The following CALN1 variants were observed in gnomAD, a reference collection of about 807,000 sequenced individuals.
The protein encoded by CALN1 is calcium-binding protein 8.
A neutral mutation model predicts 30.6 loss-of-function variants in CALN1; 17 were observed. The ratio of observed to expected loss-of-function variants is 0.56; its 90% CI spans 0.38 to 0.83. The LOEUF (loss-of-function observed/expected upper bound fraction) is 0.83, where lower values mean the gene tolerates loss of function less well. Among genes scored for constraint, CALN1 ranks in the 40% least tolerant of loss-of-function variants. The pLI is 0.00. For missense variants in CALN1, 291 were observed against 354.9 expected, an observed-to-expected ratio of 0.82 and a Z score of 1.45; for synonymous variants, 156 against 131.4, an observed-to-expected ratio of 1.19 and a Z score of -1.28.
chr7:72,416,779 C>T (rs1204729245), upstream of CALN1, among the ~76,000 whole-genome samples: 1 of 150,336 alleles, frequency 6.7e-6, no homozygotes, highest in Non-Finnish European at 1.5e-5. Context: ...CAAAAAGAAC[C>T]TTCCCGGGCT....
At chr7:72,064,982 A>G (rs979083814) in intron 4 of CALN1, among the ~76,000 whole-genome samples, 3 of 151,948 alleles carry the variant, frequency 2.0e-5, no homozygotes, top group Non-Finnish European at 2.9e-5. Flanking sequence ...CTTGGGCACA[A>G]ACAGACATCA....
intron 2 of CALN1, among the ~76,000 whole-genome samples, chr7:72,331,665 A>C (rs1002048053): frequency 6.6e-6 from 1 of 151,788 alleles, no homozygotes; most frequent in African/African-American, 2.4e-5. Context: ...TATTCATTTT[A>C]TTTTTTTTCC....
chr7:71,896,495 T>C (rs1793539154), intron 5 of CALN1, among the ~76,000 whole-genome samples: 1 of 152,180 alleles, frequency 6.6e-6, no homozygotes, highest in Admixed American at 6.5e-5. Flanking sequence ...CTCACTAAAA[T>C]ACTTGCGAAA....
chr7:71,992,454 T>C (rs1416641714), intron 5 of CALN1, among the ~76,000 whole-genome samples: 1 of 152,180 alleles, frequency 6.6e-6, no homozygotes, highest in East Asian at 1.9e-4. Context: ...ACTCCTTGGC[T>C]TGAGCCATCC....
At chr7:71,902,471 T>C (rs776058801) in intron 5 of CALN1, among the ~76,000 whole-genome samples, 3 of 152,066 alleles carry the variant, frequency 2.0e-5, no homozygotes, top group African/African-American at 4.8e-5. Context: ...GATAGACCAA[T>C]GGAACAGAAT....
At chr7:72,349,282 TTGTG>T (rs3032183) in intron 2 of CALN1, among the ~76,000 whole-genome samples, 10,142 of 147,752 alleles carry the variant, frequency 0.069, 372 homozygotes, top group South Asian at 0.12. Flanking sequence ...ACACGCGTGC[TTGTG>T]TGTGTGTGTG....
the CALN1 span, among the ~76,000 whole-genome samples, chr7:72,499,894 TTTCTTTCTTTCTTTCTTTC>T: frequency 4.4e-5 from 2 of 45,522 alleles, 1 homozygote; most frequent in Non-Finnish European, 7.8e-5. Flanking sequence ...TCTTTCTTTC[TTTCTTTCTTTCTTTCTTTC>T]TATCTTTCTC....
intron 3 of CALN1, among the ~76,000 whole-genome samples, chr7:72,238,496 A>G (rs1029332620): frequency 6.6e-6 from 1 of 152,186 alleles, no homozygotes; most frequent in African/African-American, 2.4e-5. Flanking sequence ...TCATGGAATA[A>G]TGAGTGTCTG....
chr7:72,224,786 T>TA (rs1225527795), intron 3 of CALN1, among the ~76,000 whole-genome samples: 80 of 146,012 alleles, frequency 5.5e-4, no homozygotes, highest in East Asian at 1.8e-3. Flanking sequence ...GTCAAAAAAT[T>TA]AAAAAAAAAG....
chr7:71,950,037 C>T (rs113840884), intron 5 of CALN1, among the ~76,000 whole-genome samples: 2 of 152,300 alleles, frequency 1.3e-5, no homozygotes, highest in South Asian at 2.1e-4. Flanking sequence ...GTTGGGATTA[C>T]AGGTGTGAGC....
rs1452238527 is a variant in CALN1 at position 71,840,220 on chromosome 7, T to C, written c.502-29728A>G. ...GCTCACACCTGTAATCCCAACACTT[T>C]GGGAGGCTGAAGCAGGAGCATTGCT... On this transcript the variant is annotated intron_variant, in intron 5 of 6. Coordinates refer to ENST00000395275, the MANE Select transcript of CALN1 (RefSeq NM_031468.4). 2.7e-5 allele frequency among the ~76,000 whole-genome samples: 4 copies of C among 149,712 alleles called. No individual in the cohort carries two copies. The East Asian group carries it at 7.8e-4, about 29-fold the overall frequency.
chr7:72,099,657 T>C (rs941300184), intron 4 of CALN1, among the ~76,000 whole-genome samples: 2 of 152,150 alleles, frequency 1.3e-5, no homozygotes, highest in African/African-American at 4.8e-5. Flanking sequence ...ACTTAGGGAC[T>C]GTATAAATTT....
At chr7:72,455,601 A>G in the CALN1 span, among the ~76,000 whole-genome samples, 9 of 152,056 alleles carry the variant, frequency 5.9e-5, no homozygotes, top group African/African-American at 1.9e-4. Flanking sequence ...TGTACAGTAC[A>G]GCCCCTGGTT....
intron 3 of CALN1, among the ~76,000 whole-genome samples, chr7:72,158,894 G>T (rs961459821): frequency 1.3e-5 from 2 of 152,216 alleles, no homozygotes; most frequent in South Asian, 4.1e-4. Context: ...GTCTCGCTCT[G>T]TCGCCCAGAT....
intron 4 of CALN1, among the ~76,000 whole-genome samples, chr7:72,085,913 T>C (rs551499033): frequency 2.6e-5 from 4 of 152,258 alleles, no homozygotes; most frequent in East Asian, 3.9e-4. Context: ...CCTCCAAAAA[T>C]TGACCTAACA....
At chr7:72,183,407 A>T (rs930498862) in intron 3 of CALN1, among the ~76,000 whole-genome samples, 2 of 152,240 alleles carry the variant, frequency 1.3e-5, no homozygotes, top group Non-Finnish European at 1.5e-5. Context: ...ATGAAAAATT[A>T]TGAGAGTCTA....
intron 5 of CALN1, among the ~76,000 whole-genome samples, chr7:71,962,050 G>A (rs140733329): frequency 4.6e-5 from 7 of 151,842 alleles, no homozygotes; most frequent in African/African-American, 4.8e-5. Flanking sequence ...TGCGTATTCC[G>A]TTTTCTCATA....
At chr7:72,400,569 G>A (rs1013414685) in intron 2 of CALN1, among the ~76,000 whole-genome samples, 1 of 152,158 alleles carries the variant, frequency 6.6e-6, no homozygotes, top group East Asian at 1.9e-4. Flanking sequence ...TACATGAGGC[G>A]AGATTAAGAA....
At chr7:72,175,388 G>A (rs1789278553) in intron 3 of CALN1, among the ~76,000 whole-genome samples, 1 of 152,066 alleles carries the variant, frequency 6.6e-6, no homozygotes, top group African/African-American at 2.4e-5. Flanking sequence ...GAATAAACCA[G>A]AGCAAATTCA....
Sources: allele counts gnomAD v4.1 joint callset (sites outside exome capture counted in the v4.1 genomes callset), GRCh38; gene constraint gnomAD v4.1.1; transcripts MANE v1.5; gene names NCBI Gene and HGNC (gene_info 2026-07-23, HGNC 2026-07-21).